The following ST8SIA1 variants were observed in gnomAD, a reference collection of about 807,000 sequenced individuals.
ST8SIA1 encodes the protein alpha-N-acetylneuraminide alpha-2,8-sialyltransferase.
In ST8SIA1, 16 loss-of-function variants were observed where a neutral mutation model predicts 35.9. That is an observed-to-expected ratio of 0.45 (90% confidence interval 0.30 to 0.68). The LOEUF (loss-of-function observed/expected upper bound fraction) is 0.68, where lower values mean the gene tolerates loss of function less well. Among genes scored for constraint, ST8SIA1 ranks in the 30% least tolerant of loss-of-function variants. The pLI is 0.09. For synonymous variants in ST8SIA1, 170 were observed against 169.6 expected (o/e 1.00, Z -0.02); for missense variants, 383 against 453.6 (o/e 0.84, Z 1.41).
chr12:22,325,315 A>G (rs1866661044), intron 1 of ST8SIA1: 1 of 621,312 alleles, frequency 1.6e-6, no homozygotes, highest in Non-Finnish European at 2.9e-6. Flanking sequence ...GGTCACCTGG[A>G]AATCTCTGAT....
intron 2 of ST8SIA1, among the ~76,000 whole-genome samples, chr12:22,285,388 A>G (rs966382281): frequency 3.3e-5 from 5 of 152,128 alleles, no homozygotes; most frequent in South Asian, 2.1e-4. Context: ...CATTCTTCCA[A>G]TGATTTTTTT....
chr12:22,256,873 G>A (rs74068783), intron 2 of ST8SIA1, among the ~76,000 whole-genome samples: 2,369 of 152,216 alleles, frequency 0.016, 64 homozygotes, highest in African/African-American at 0.054. Flanking sequence ...AGAAGAGACG[G>A]GCAAGAAACA....
chr12:22,264,479 T>C (rs568311506), intron 2 of ST8SIA1, among the ~76,000 whole-genome samples: 1 of 152,308 alleles, frequency 6.6e-6, no homozygotes, highest in Non-Finnish European at 1.5e-5. Context: ...GCAGTTTTGG[T>C]TCTTTCCAGT....
At chr12:22,253,212 C>T (rs1412626748) in intron 3 of ST8SIA1, among the ~76,000 whole-genome samples, 1 of 152,176 alleles carries the variant, frequency 6.6e-6, no homozygotes, top group African/African-American at 2.4e-5. Context: ...CAGACCTAGT[C>T]AACAACAGCA....
chr12:22,271,498 A>T (rs568268779), intron 2 of ST8SIA1, among the ~76,000 whole-genome samples: 1 of 152,308 alleles, frequency 6.6e-6, no homozygotes, highest in South Asian at 2.1e-4. Flanking sequence ...CTTCCAATGT[A>T]CTTTGTGATG....
chr12:22,212,457 A>C (rs1865185810), intron 4 of ST8SIA1, among the ~76,000 whole-genome samples: 1 of 151,994 alleles, frequency 6.6e-6, no homozygotes, highest in Non-Finnish European at 1.5e-5. Context: ...TTTTATGTTG[A>C]TTTACAATAC....
chr12:22,281,817 T>C lies in ST8SIA1; in HGVS notation c.381+5332A>G, dbSNP rs1345943126. On this transcript the variant is annotated intron_variant, in intron 2 of 4. Transcript: ENST00000396037. ...GGTCAACATAACAAAACCTTGTCTC[T>C]ACAAAAAAAAAAAAAAAAATACAAT... is the stretch of plus-strand genomic sequence containing the variant. Among the ~76,000 whole-genome samples the C allele has an allele frequency of 3.4e-4, 13 of 38,188 alleles. No individual in the cohort carries two copies. The South Asian group carries it at 9.2e-3, about 27-fold the overall frequency. 25.1% of individuals were successfully genotyped at this position (38,188 alleles called of 152,430 possible). A position where few individuals can be genotyped will look rare whatever the true frequency, so the allele number is the denominator to read the frequency against.
At chr12:22,324,241 C>T (rs773154660) in intron 1 of ST8SIA1, 3 of 151,938 alleles carry the variant, frequency 2.0e-5, no homozygotes, top group Admixed American at 6.6e-5. Flanking sequence ...TAGTAGCATT[C>T]GTTTTAAGTT....
chr12:22,319,725 G>A (rs1231964319), intron 1 of ST8SIA1, among the ~76,000 whole-genome samples: 2 of 152,134 alleles, frequency 1.3e-5, no homozygotes, highest in African/African-American at 4.8e-5. Flanking sequence ...TATTGAGAAT[G>A]GGGATTCTTC....
intron 1 of ST8SIA1, among the ~76,000 whole-genome samples, chr12:22,315,634 A>G (rs947571440): frequency 6.6e-6 from 1 of 152,124 alleles, no homozygotes; most frequent in Non-Finnish European, 1.5e-5. Flanking sequence ...CCGAGAACCT[A>G]TAGTGAAGGG....
At chr12:22,222,029 G>C (rs1296678788) in intron 4 of ST8SIA1, among the ~76,000 whole-genome samples, 2 of 151,870 alleles carry the variant, frequency 1.3e-5, no homozygotes, top group Non-Finnish European at 2.9e-5. Flanking sequence ...CTTCTTAATA[G>C]TACATCTTAT....
intron 2 of ST8SIA1, among the ~76,000 whole-genome samples, chr12:22,261,708 C>T (rs1436865752): frequency 6.6e-6 from 1 of 152,130 alleles, no homozygotes; most frequent in African/African-American, 2.4e-5. Context: ...CAACCGTGAG[C>T]CCCATCACTC....
At position 22,287,181 on chromosome 12, in the gene ST8SIA1, T is replaced by C. The variant is rs1484816492; in HGVS notation, c.349A>G (p.Ile117Val). Residue 117 changes from isoleucine (I) to valine (V), a missense_variant, in exon 2 of 5, where the codon ATT becomes GTT. Coordinates refer to ENST00000396037, the MANE Select transcript of ST8SIA1 (RefSeq NM_003034.4). The part of the protein sequence containing the change: ...YDGEFLYSFT[I>V]DNSTYSLFPQ... ...AAGAGAGAGTAAGTTGAATTGTCAA[T>C]GGTGAATGAGTATAAAAACTCCCCG... 6.2e-7 allele frequency: 1 copy of C among 1,614,094 alleles called. No individual in the cohort carries two copies. The highest frequency in any genetic ancestry group is 1.7e-5 in the Admixed American group (1 of 60,030).
intron 2 of ST8SIA1, chr12:22,286,488 AT>A (rs764017882): frequency 1.9e-6 from 1 of 518,808 alleles, no homozygotes; most frequent in Non-Finnish European, 3.8e-6. Flanking sequence ...CCTAATTGCA[AT>A]TTTGCCTAAG....
chr12:22,267,445 C>A (rs1247859690), intron 2 of ST8SIA1, among the ~76,000 whole-genome samples: 1 of 152,180 alleles, frequency 6.6e-6, no homozygotes, highest in South Asian at 2.1e-4. Flanking sequence ...CTGGCTGCTG[C>A]TGATGCTTTA....
At chr12:22,314,646 C>T (rs1866494817) in intron 1 of ST8SIA1, among the ~76,000 whole-genome samples, 1 of 152,142 alleles carries the variant, frequency 6.6e-6, no homozygotes, top group Non-Finnish European at 1.5e-5. Context: ...TTCTCTTCCA[C>T]AAACTTTACA....
intron 1 of ST8SIA1, among the ~76,000 whole-genome samples, chr12:22,299,144 T>G (rs937382470): frequency 2.0e-5 from 3 of 152,228 alleles, no homozygotes; most frequent in African/African-American, 7.2e-5. Context: ...GAAGGTATAT[T>G]AGATTAAATA....
chr12:22,283,259 G>A (rs911979376), intron 2 of ST8SIA1, among the ~76,000 whole-genome samples: 4 of 152,138 alleles, frequency 2.6e-5, no homozygotes, highest in African/African-American at 7.2e-5. Flanking sequence ...ACAGCCAACC[G>A]TGTTTTTATA....
intron 4 of ST8SIA1, among the ~76,000 whole-genome samples, chr12:22,248,362 A>G (rs1429923645): frequency 6.6e-6 from 1 of 152,136 alleles, no homozygotes; most frequent in Non-Finnish European, 1.5e-5. Flanking sequence ...AACAGCTGAT[A>G]GCTCGCTGAT....
Sources: allele counts gnomAD v4.1 joint callset (sites outside exome capture counted in the v4.1 genomes callset), GRCh38; gene constraint gnomAD v4.1.1; transcripts MANE v1.5; gene names NCBI Gene and HGNC (gene_info 2026-07-23, HGNC 2026-07-21).